The following TAF3 variants were observed in gnomAD, a reference collection of about 807,000 sequenced individuals.
The protein encoded by TAF3 is transcription initiation factor TFIID subunit 3.
Under a neutral mutation model 80.6 loss-of-function variants are expected in TAF3, and 7 were observed. The observed-to-expected ratio is 0.09, with a 90% CI of 0.05 to 0.16. The LOEUF is 0.16. Among genes scored for constraint, TAF3 ranks in the 10% least tolerant of loss-of-function variants. TAF3 has a pLI of 1.00. For missense variants in TAF3, 921 were observed against 1,140.2 expected, an observed-to-expected ratio of 0.81 and a Z score of 2.77; for synonymous variants, 444 against 446.1, an observed-to-expected ratio of 1.00 and a Z score of 0.06.
At chr10:7,860,901 G>T (rs1837138682) in intron 2 of TAF3, among the ~76,000 whole-genome samples, 1 of 151,222 alleles carries the variant, frequency 6.6e-6, no homozygotes, top group Non-Finnish European at 1.5e-5. Context: ...CTGGGTTCAA[G>T]CAATTCTCTG....
intron 2 of TAF3, among the ~76,000 whole-genome samples, chr10:7,951,064 G>T (rs1041358636): frequency 6.6e-6 from 1 of 152,214 alleles, no homozygotes; most frequent in Non-Finnish European, 1.5e-5. Flanking sequence ...ACAAGGGTAT[G>T]CATCGATTAG....
intron 2 of TAF3, among the ~76,000 whole-genome samples, chr10:7,830,558 A>G (rs1194792605): frequency 7.9e-6 from 1 of 125,900 alleles, no homozygotes; most frequent in Non-Finnish European, 1.5e-5. Flanking sequence ...ATCTCGGCTC[A>G]CTGCAAACTC....
At chr10:7,836,017 C>T (rs1342940102) in intron 2 of TAF3, among the ~76,000 whole-genome samples, 1 of 152,170 alleles carries the variant, frequency 6.6e-6, no homozygotes, top group Non-Finnish European at 1.5e-5. Context: ...CGCCATCATA[C>T]TCCCTTAACT....
chr10:7,883,194 G>A (rs564082595), intron 2 of TAF3, among the ~76,000 whole-genome samples: 2 of 152,322 alleles, frequency 1.3e-5, no homozygotes, highest in African/African-American at 4.8e-5. Context: ...GTCCCGTGGT[G>A]CATTCAGTCA....
chr10:7,848,996 G>A (rs1023713776), intron 2 of TAF3, among the ~76,000 whole-genome samples: 13 of 152,110 alleles, frequency 8.5e-5, no homozygotes, highest in Non-Finnish European at 1.8e-4. Flanking sequence ...CTGAATGGTA[G>A]TAACAAAGGG....
At chr10:7,824,004 G>A (rs1294506038) in intron 1 of TAF3, among the ~76,000 whole-genome samples, 2 of 151,204 alleles carry the variant, frequency 1.3e-5, no homozygotes, top group East Asian at 3.9e-4. Flanking sequence ...GGCATTTTCT[G>A]TGTGTCAGGT....
At chr10:7,850,674 C>CA (rs869282243) in intron 2 of TAF3, among the ~76,000 whole-genome samples, 1,500 of 124,408 alleles carry the variant, frequency 0.012, 23 homozygotes, top group African/African-American at 0.042. Flanking sequence ...GACTCCATCT[C>CA]AAAAAAAAAA....
chr10:8,013,455 G>T (rs1172323338), intron 5 of TAF3, among the ~76,000 whole-genome samples: 1 of 152,018 alleles, frequency 6.6e-6, no homozygotes, highest in African/African-American at 2.4e-5. Flanking sequence ...TGTTCACAGA[G>T]ATGATTATAA....
intron 2 of TAF3, among the ~76,000 whole-genome samples, chr10:7,931,087 C>A (rs1837865605): frequency 6.6e-6 from 1 of 152,076 alleles, no homozygotes; most frequent in Non-Finnish European, 1.5e-5. Context: ...AGTAACATTG[C>A]CTGGTGTTTT....
intron 2 of TAF3, among the ~76,000 whole-genome samples, chr10:7,887,101 G>C (rs953092605): frequency 6.6e-6 from 1 of 151,982 alleles, no homozygotes; most frequent in Non-Finnish European, 1.5e-5. Flanking sequence ...CGGGCGTGGT[G>C]GCAGGCACCT....
intron 3 of TAF3, among the ~76,000 whole-genome samples, chr10:7,966,625 C>A (rs1313485167): frequency 6.6e-6 from 1 of 152,180 alleles, no homozygotes; most frequent in African/African-American, 2.4e-5. Context: ...CCTGATGATC[C>A]TTTCCCTGCC....
intron 2 of TAF3, among the ~76,000 whole-genome samples, chr10:7,915,642 C>CAAAAA (rs546868294): frequency 1.3e-5 from 1 of 78,032 alleles, no homozygotes; most frequent in Admixed American, 1.5e-4. Context: ...AACTCCGTCT[C>CAAAAA]AAAAAAAAAA....
chr10:8,015,944 G>C lies in TAF3; in HGVS notation c.*1193G>C. ...TTCTACAAATCTGTTCATTAATATT[G>C]TGCTTTAAGGCTGAAATGAAGTATA... On this transcript the variant is annotated 3_prime_UTR_variant, in exon 7 of 7. Transcript: ENST00000344293. The C allele has an allele frequency of 6.6e-6, 1 of 150,524 alleles. No individual in the cohort carries two copies. Among genetic ancestry groups the C allele is most frequent in the South Asian group, 2.1e-4 (1 of 4,776 alleles). The allele number at this position is 150,524 out of a possible 1,614,324, so 9.3% of individuals were successfully genotyped here.
At chr10:7,981,819 G>A (rs997393124) in intron 4 of TAF3, among the ~76,000 whole-genome samples, 5 of 152,044 alleles carry the variant, frequency 3.3e-5, no homozygotes, top group African/African-American at 9.7e-5. Context: ...TAAGCCTTGT[G>A]GGGGCTTTTT....
chr10:7,837,929 G>A (rs1836868918), intron 2 of TAF3, among the ~76,000 whole-genome samples: 1 of 152,226 alleles, frequency 6.6e-6, no homozygotes, highest in Non-Finnish European at 1.5e-5. Flanking sequence ...ATATTTGCAT[G>A]GCTTTCAGTT....
At chr10:7,911,189 C>A (rs1264850397) in intron 2 of TAF3, among the ~76,000 whole-genome samples, 3 of 152,122 alleles carry the variant, frequency 2.0e-5, no homozygotes, top group Non-Finnish European at 2.9e-5. Context: ...GATCAAAACT[C>A]ACTTCTTTAG....
intron 2 of TAF3, among the ~76,000 whole-genome samples, chr10:7,917,796 T>A (rs1329304851): frequency 6.6e-6 from 1 of 152,148 alleles, no homozygotes; most frequent in East Asian, 1.9e-4. Flanking sequence ...GAAATACTTT[T>A]GAAGTTATAT....
At chr10:7,985,176 C>T (rs192100343) in intron 4 of TAF3, among the ~76,000 whole-genome samples, 7 of 152,316 alleles carry the variant, frequency 4.6e-5, no homozygotes, top group Admixed American at 2.6e-4. Flanking sequence ...AGCCACAAGT[C>T]TCAGCATGTG....
intron 2 of TAF3, among the ~76,000 whole-genome samples, chr10:7,919,267 C>T (rs1277542473): frequency 6.6e-6 from 1 of 152,132 alleles, no homozygotes; most frequent in Non-Finnish European, 1.5e-5. Context: ...GAAAGTGATA[C>T]TCAGTTTTCT....
Sources: allele counts gnomAD v4.1 joint callset (sites outside exome capture counted in the v4.1 genomes callset), GRCh38; gene constraint gnomAD v4.1.1; transcripts MANE v1.5; gene names NCBI Gene and HGNC (gene_info 2026-07-23, HGNC 2026-07-21).